Variants in DUXA observed in about 807,000 individuals in gnomAD.
The protein encoded by DUXA is double homeobox A.
Under a neutral mutation model 27.5 loss-of-function variants are expected in DUXA, and 25 were observed. The observed-to-expected ratio is 0.91, with a 90% CI of 0.66 to 1.27. The LOEUF (loss-of-function observed/expected upper bound fraction) is 1.27. DUXA is among the 50% of genes most tolerant of loss of function. DUXA has a pLI of 0.00. For synonymous variants in DUXA, 90 were observed against 80.5 expected (o/e 1.12, Z -0.63); for missense variants, 247 against 242.9 (o/e 1.02, Z -0.11).
intron 1 of DUXA, among the ~76,000 whole-genome samples, chr19:57,162,271 A>C (rs982432209): frequency 1.3e-5 from 2 of 152,202 alleles, no homozygotes; most frequent in African/African-American, 4.8e-5. Context: ...ATTTTTAAAA[A>C]CACCACAGGG....
chr19:57,156,153 GC>G (rs2086992134), intron 4 of DUXA, among the ~76,000 whole-genome samples: 1 of 152,012 alleles, frequency 6.6e-6, no homozygotes, highest in African/African-American at 2.4e-5. Context: ...TCTTCCTTCT[GC>G]CTGAAATTTT....
intron 1 of DUXA, among the ~76,000 whole-genome samples, chr19:57,162,579 T>C (rs2087029824): frequency 6.9e-6 from 1 of 145,390 alleles, no homozygotes; most frequent in African/African-American, 2.4e-5. Context: ...TTGTTTTTTG[T>C]TTTTTGTTTT....
At chr19:57,162,434 A>G (rs575052392) in intron 1 of DUXA, among the ~76,000 whole-genome samples, 54 of 152,336 alleles carry the variant, frequency 3.5e-4, no homozygotes, top group African/African-American at 1.3e-3. Context: ...TCGTAACAGA[A>G]TTAGACTTAG....
At chr19:57,164,589 TAA>T (rs2087041963) in intron 1 of DUXA, among the ~76,000 whole-genome samples, 1 of 151,820 alleles carries the variant, frequency 6.6e-6, no homozygotes, top group Non-Finnish European at 1.5e-5. Flanking sequence ...AAAATAAAAT[TAA>T]AAATAATTTT....
chr19:57,158,985 A>G (rs1396304915), intron 3 of DUXA, among the ~76,000 whole-genome samples, 182 bp downstream of exon 3: 2 of 152,156 alleles, frequency 1.3e-5, no homozygotes, highest in South Asian at 4.1e-4. Flanking sequence ...CTCCATCTCA[A>G]TAAATAAATA....
rs760300431 is a variant in DUXA, at chr19:57,158,486, T to A, written c.293-13A>T. 2.5e-6 allele frequency: 4 copies of A among 1,608,486 alleles called. No individual in the cohort carries two copies. In the Admixed American group the frequency reaches 6.7e-5, roughly 27 times the overall value. On this transcript the variant is annotated splice_polypyrimidine_tract_variant and intron_variant, in intron 3 of 5. Transcript: ENST00000554048. ...CTGGCTTCTCTACCTAGGGAAGGCA[T>A]GGAAAGATGGAGGGGGGCGGTCAAG...
Position 57,155,471 on chromosome 19 carries a change from C to T in DUXA, c.439-99G>A, listed in dbSNP as rs565912360. On this transcript the variant is annotated intron_variant, in intron 4 of 5. Coordinates refer to ENST00000554048, the MANE Select transcript of DUXA (RefSeq NM_001012729.2). ...TTTTCTTTTCTGTTTTTTGAGACAGCGGTCTCTCTCAGAGTAGCTAGTGCC... is the reference window on the plus strand; with the variant it reads ...TTTTCTTTTCTGTTTTTTGAGACAGTGGTCTCTCTCAGAGTAGCTAGTGCC... The T allele has an allele frequency of 4.5e-5, 43 of 964,944 alleles. 2 individuals carry two copies. The South Asian group carries it at 5.1e-4, about 12-fold the overall frequency. 59.8% of individuals were successfully genotyped at this position (964,944 alleles called of 1,614,324 possible). A position where few individuals can be genotyped will look rare whatever the true frequency, so the allele number is the denominator to read the frequency against.
At chr19:57,163,663 G>A (rs1443574240) in intron 1 of DUXA, among the ~76,000 whole-genome samples, 2 of 151,446 alleles carry the variant, frequency 1.3e-5, no homozygotes, top group East Asian at 3.9e-4. Flanking sequence ...AGGCTGGTCT[G>A]GATGATCCAC....
At position 57,158,394 on chromosome 19, in the gene DUXA, T is replaced by C. The variant is rs146693789; in HGVS notation, c.372A>G (p.Pro124=). 9.3e-6 allele frequency: 15 copies of C among 1,613,328 alleles called. No homozygotes were observed. In the African/African-American group the frequency reaches 1.7e-4, roughly 19 times the overall value. ...HTLIKAFMKN[P]YPGIDSREEL... ...CTTCTCTGGAATCAATCCCAGGATA[T>C]GGGTTTTTCATAAATGCCTTGATGA... The change falls in exon 4 of 6, where the codon CCA becomes CCG. Residue 124 remains proline (P), a synonymous_variant. Coordinates refer to ENST00000554048, the MANE Select transcript of DUXA (RefSeq NM_001012729.2).
rs556758951 is a variant in DUXA, at chr19:57,164,107, C to T, written c.26-3310G>A. On this transcript the variant is annotated intron_variant, in intron 1 of 5. Coordinates refer to ENST00000554048, the MANE Select transcript of DUXA (RefSeq NM_001012729.2). ...CTCAAAAGCAGGCAAATAGACACAT[C>T]GAAAAAGGACAATATCCCTAATGAA... Among the ~76,000 whole-genome samples the T allele has an allele frequency of 5.4e-4, 82 of 152,078 alleles. 1 individual carries two copies. Among genetic ancestry groups the T allele is most frequent in the Admixed American group, 7.2e-4 (11 of 15,258 alleles).
chr19:57,166,343 C>A (rs1393993822), intron 1 of DUXA, among the ~76,000 whole-genome samples: 2 of 152,192 alleles, frequency 1.3e-5, no homozygotes, highest in African/African-American at 2.4e-5. Context: ...TGGAGTCTCG[C>A]TCTCTGGCCC....
Position 57,160,836 on chromosome 19 carries a change from T to G in DUXA, c.26-39A>C. The G allele has an allele frequency of 4.4e-6, 7 of 1,605,624 alleles. 1 individual carries two copies. In the South Asian group the frequency reaches 6.7e-5, roughly 15 times the overall value. ...ACAAAAGAAGAAGCATGTAATAGGT[T>G]AATTTATATACTCAAACTTCAGGTT... is the stretch of plus-strand genomic sequence containing the variant. On this transcript the variant is annotated intron_variant, in intron 1 of 5. Transcript: ENST00000554048.
rs766846773 is a variant in DUXA at position 57,154,378 on chromosome 19, T to C, written c.*34A>G. 6.3e-7 allele frequency: 1 copy of C among 1,592,200 alleles called. No homozygotes were observed. Among genetic ancestry groups the C allele is most frequent in the Admixed American group, 1.7e-5 (1 of 59,874 alleles). ...ACCGTGAGACAGATTTGGGGTCCAGTTGATATTATCAAGTACACTGAATTT... is the reference window on the plus strand; with the variant it reads ...ACCGTGAGACAGATTTGGGGTCCAGCTGATATTATCAAGTACACTGAATTT... On this transcript the variant is annotated 3_prime_UTR_variant, in exon 6 of 6. Transcript: ENST00000554048.
intron 1 of DUXA, among the ~76,000 whole-genome samples, chr19:57,163,646 G>A (rs1456063633): frequency 6.6e-6 from 1 of 152,068 alleles, no homozygotes; most frequent in South Asian, 2.1e-4. Flanking sequence ...GTTTTGCCAC[G>A]TAGGCCAGGC....
At chr19:57,155,734 T>A (rs564577217) in intron 4 of DUXA, among the ~76,000 whole-genome samples, 1 of 151,924 alleles carries the variant, frequency 6.6e-6, no homozygotes, top group African/African-American at 2.4e-5. Context: ...AGTGGCACAA[T>A]CTTGGCTCAC....
Position 57,158,412 on chromosome 19 carries a change from C to A in DUXA, c.354G>T (p.Lys118Asn), listed in dbSNP as rs2122690966. The A allele has an allele frequency of 6.2e-7, 1 of 1,613,870 alleles. No individual in the cohort carries two copies. The highest frequency in any genetic ancestry group is 8.5e-7 in the Non-Finnish European group (1 of 1,180,004). Residue 118 changes from lysine (K) to asparagine (N), a missense_variant, in exon 4 of 6, where the codon AAG becomes AAT. Lys to Asn is a moderately conservative substitution (Grantham distance 94). Coordinates refer to ENST00000554048, the MANE Select transcript of DUXA (RefSeq NM_001012729.2). ...YSASQLHTLI[K>N]AFMKNPYPGI... ...CAGGATATGGGTTTTTCATAAATGC[C>A]TTGATGAGAGTGTGTAACTGAGAGG... is the stretch of plus-strand genomic sequence containing the variant.
chr19:57,164,328 C>T (rs751581446), intron 1 of DUXA, among the ~76,000 whole-genome samples: 1 of 152,198 alleles, frequency 6.6e-6, no homozygotes. Context: ...ATAATCCCAG[C>T]ACTTTGGGAG....
chr19:57,159,327 G>A (rs1409085174), intron 2 of DUXA, 49 bp from the exon 3 acceptor site: 4 of 1,531,542 alleles, frequency 2.6e-6, no homozygotes. Context: ...TGTCATTTAA[G>A]CTACATCACT....
rs557864149 is a variant in DUXA at position 57,154,854 on chromosome 19, T to C, written c.545-372A>G. On this transcript the variant is annotated intron_variant, in intron 5 of 5. Coordinates refer to ENST00000554048, the MANE Select transcript of DUXA (RefSeq NM_001012729.2). The stretch of plus-strand genomic sequence containing the variant: ...CTGGGATTACAGGCGTGAGCCTCCA[T>C]GCCCAGCCCCCACCTTTTCAATCCA... Among the ~76,000 whole-genome samples, 505 of 152,302 alleles carry C rather than the reference T, an allele frequency of 3.3e-3. 1 individual carries two copies. The highest frequency in any genetic ancestry group is 4.2e-3 in the African/African-American group (173 of 41,576).
Sources: gnomAD v4.1 joint callset for allele counts (sites outside exome capture counted in the v4.1 genomes callset) on GRCh38, gnomAD v4.1.1 for gene constraint, MANE v1.5 for transcripts, NCBI Gene and HGNC (gene_info 2026-07-23, HGNC 2026-07-21) for gene names.